FSTL1: variants seen among roughly 807,000 people sequenced by gnomAD.
FSTL1 encodes the protein follistatin-related protein 1.
Under a neutral mutation model 45.9 loss-of-function variants are expected in FSTL1, and 24 were observed. The ratio of observed to expected loss-of-function variants is 0.52; its 90% CI spans 0.38 to 0.74. FSTL1 has a LOEUF of 0.74. Ranked by LOEUF, FSTL1 falls within the 30% of genes least tolerant of loss-of-function variation. The probability of loss-of-function intolerance (pLI) is 0.00; values close to 1 mark genes in which losing one functional copy is unlikely to be tolerated. For missense variants in FSTL1, 340 were observed against 381.8 expected, an observed-to-expected ratio of 0.89 and a Z score of 0.91; for synonymous variants, 120 against 137.6, an observed-to-expected ratio of 0.87 and a Z score of 0.89.
At chr3:120,450,784 G>C (rs1220075689) in intron 1 of FSTL1, 38 bp from the exon 2 acceptor site, 10 of 1,491,162 alleles carry the variant, frequency 6.7e-6, no homozygotes, top group Non-Finnish European at 9.0e-6. Context: ...GAAGGCGCCG[G>C]GCCCCGCGCT....
At chr3:120,425,017 G>A (rs1375402426) in intron 2 of FSTL1, among the ~76,000 whole-genome samples, 1 of 151,938 alleles carries the variant, frequency 6.6e-6, no homozygotes. Context: ...GGCCGAGGGC[G>A]GCTAGGGCGT....
chr3:120,422,296 C>G (rs1308066838), intron 2 of FSTL1, among the ~76,000 whole-genome samples: 5 of 152,182 alleles, frequency 3.3e-5, no homozygotes, highest in Non-Finnish European at 7.3e-5. Context: ...TGTTTGTATA[C>G]TTTTAATTTG....
chr3:120,412,785 G>A (rs901669360), intron 3 of FSTL1, among the ~76,000 whole-genome samples: 1 of 151,552 alleles, frequency 6.6e-6, no homozygotes, highest in African/African-American at 2.4e-5. Context: ...AATGTGGAGA[G>A]GCTGATAGGC....
intron 2 of FSTL1, chr3:120,423,276 C>T (rs1937315837): frequency 6.6e-6 from 1 of 151,948 alleles, no homozygotes; most frequent in Non-Finnish European, 1.5e-5. Context: ...GCTCACATGT[C>T]ATCTCTGGAA....
At position 120,409,607 on chromosome 3, in the gene FSTL1, C is replaced by T. The variant is rs750868742; in HGVS notation, c.387G>A (p.Leu129=). The part of the protein sequence containing the change: ...DELRRRIIQW[L]EAEIIPDGWF... ...AGCCATCTGGAATGATCTCAGCTTC[C>T]AGCCACTGGATGATGCGACGTCGGA... is the stretch of plus-strand genomic sequence containing the variant. The change falls in exon 6 of 11, where the codon CTG becomes CTA. Residue 129 remains leucine (L), a synonymous_variant. Coordinates refer to ENST00000295633, the MANE Select transcript of FSTL1 (RefSeq NM_007085.5). 3.1e-6 allele frequency: 5 copies of T among 1,613,790 alleles called. No homozygotes were observed. In the East Asian group the frequency reaches 8.9e-5, roughly 29 times the overall value.
At chr3:120,450,599 T>C in intron 2 of FSTL1, 85 bp downstream of exon 2, 1 of 855,664 alleles carries the variant, frequency 1.2e-6, no homozygotes, top group East Asian at 3.3e-5. Context: ...CGGGAGAGCA[T>C]CCCCAGGACG....
rs1161117022 is a variant in FSTL1 at position 120,404,879 on chromosome 3, T to C, written c.555A>G (p.Pro185=). The change falls in exon 7 of 11, where the codon CCA becomes CCG. Residue 185 remains proline (P), a synonymous_variant. Coordinates refer to ENST00000295633, the MANE Select transcript of FSTL1 (RefSeq NM_007085.5). ...NETAINITTY[P]DQENNKLLRG... is the part of the protein sequence containing the mutation. ...TAAGCAACTTGTTGTTCTCCTGGTC[T>C]GGATACGTTGTAATATTGATGGCAG... The C allele has an allele frequency of 6.3e-7, 1 of 1,581,854 alleles. No individual in the cohort carries two copies. The highest frequency in any genetic ancestry group is 2.2e-5 in the East Asian group (1 of 44,772).
At chr3:120,406,198 G>A (rs185327992) in intron 6 of FSTL1, among the ~76,000 whole-genome samples, 3 of 152,216 alleles carry the variant, frequency 2.0e-5, no homozygotes, top group East Asian at 3.9e-4. Context: ...GGTCTCTGAT[G>A]TCCTTTATTC....
chr3:120,415,802 G>T lies in FSTL1; in HGVS notation c.168+121C>A, dbSNP rs949284371. The T allele has an allele frequency of 7.0e-6, 4 of 568,750 alleles. No individual in the cohort carries two copies. The Admixed American group carries it at 8.2e-5, about 12-fold the overall frequency. 35.2% of individuals were successfully genotyped at this position (568,750 alleles called of 1,614,324 possible). On this transcript the variant is annotated intron_variant, in intron 3 of 10. Coordinates refer to ENST00000295633, the MANE Select transcript of FSTL1 (RefSeq NM_007085.5). Reference sequence around the variant, plus strand: ...GAATAAGAATTCCACGTTTTTCAGGGGGATGAAGAATGCTTTTATAAAGAG... The same window carrying T: ...GAATAAGAATTCCACGTTTTTCAGGTGGATGAAGAATGCTTTTATAAAGAG...
chr3:120,417,267 T>C (rs1165295173), intron 2 of FSTL1, among the ~76,000 whole-genome samples: 4 of 152,046 alleles, frequency 2.6e-5, no homozygotes, highest in Non-Finnish European at 4.4e-5. Context: ...TTGGTGAATG[T>C]TTTATACTCA....
chr3:120,417,236 G>A (rs1937201534), intron 2 of FSTL1, among the ~76,000 whole-genome samples: 1 of 152,182 alleles, frequency 6.6e-6, no homozygotes, highest in East Asian at 1.9e-4. Flanking sequence ...CACAAGTCTT[G>A]TAACAGTACA....
intron 2 of FSTL1, among the ~76,000 whole-genome samples, chr3:120,439,120 C>T (rs1048634203): frequency 7.2e-5 from 11 of 152,138 alleles, no homozygotes; most frequent in Admixed American, 3.9e-4. Context: ...AGCGGAGAGG[C>T]GTGCAGGGAG....
intron 2 of FSTL1, among the ~76,000 whole-genome samples, chr3:120,444,884 CA>C (rs1379525099): frequency 6.7e-6 from 1 of 149,744 alleles, no homozygotes; most frequent in Non-Finnish European, 1.5e-5. Context: ...GCCGGCGCTT[CA>C]AAATGTTTTT....
chr3:120,441,950 GC>G (rs1937633193), intron 2 of FSTL1, among the ~76,000 whole-genome samples: 1 of 152,178 alleles, frequency 6.6e-6, no homozygotes. Context: ...CCAGGTCTGA[GC>G]GCTAAGCCAT....
chr3:120,435,704 G>A lies in FSTL1; in HGVS notation c.63+14980C>T, dbSNP rs373647729. 9.8e-5 allele frequency among the ~76,000 whole-genome samples: 15 copies of A among 152,306 alleles called. No homozygotes were observed. In the East Asian group the frequency reaches 2.7e-3, roughly 27 times the overall value. ...GTCAGAGTCAAACAACAAATCACTG[G>A]AGAATGAGGAAGTCTTTACATTCCA... On this transcript the variant is annotated intron_variant, in intron 2 of 10. Coordinates refer to ENST00000295633, the MANE Select transcript of FSTL1 (RefSeq NM_007085.5).
chr3:120,400,141 T>A (rs1936792648), intron 9 of FSTL1, 182 bp from the exon 10 acceptor site: 2 of 599,992 alleles, frequency 3.3e-6, no homozygotes, highest in African/African-American at 3.7e-5. Flanking sequence ...ACCTCCAAGG[T>A]AACACATTGT....
intron 9 of FSTL1, among the ~76,000 whole-genome samples, chr3:120,400,246 G>T (rs993815648): frequency 6.6e-6 from 1 of 152,174 alleles, no homozygotes; most frequent in Admixed American, 6.5e-5. Context: ...AAAAGTTATG[G>T]TGAAAACTTG....
At chr3:120,397,932 G>A (rs936331335) in intron 10 of FSTL1, among the ~76,000 whole-genome samples, 1 of 152,150 alleles carries the variant, frequency 6.6e-6, no homozygotes, top group African/African-American at 2.4e-5. Flanking sequence ...GCCATAAATA[G>A]GAAAGAAGTA....
chr3:120,410,940 A>G lies in FSTL1; in HGVS notation c.331+12T>C. ...CCCTGAGATGCACACAGTAGAAAAA[A>G]TAGGCACTCACCTGGGCTGGCAGAT... On this transcript the variant is annotated intron_variant, in intron 5 of 10. Coordinates refer to ENST00000295633, the MANE Select transcript of FSTL1 (RefSeq NM_007085.5). The G allele has an allele frequency of 6.2e-7, 1 of 1,601,118 alleles. No homozygotes were observed. Among genetic ancestry groups the G allele is most frequent in the Non-Finnish European group, 8.6e-7 (1 of 1,168,182 alleles).
Sources: gnomAD v4.1 joint callset for allele counts (sites outside exome capture counted in the v4.1 genomes callset) on GRCh38, gnomAD v4.1.1 for gene constraint, MANE v1.5 for transcripts, NCBI Gene and HGNC (gene_info 2026-07-23, HGNC 2026-07-21) for gene names.